The following THSD7B variants were observed in gnomAD, a reference collection of about 807,000 sequenced individuals.
THSD7B encodes thrombospondin type-1 domain-containing protein 7B.
THSD7B carries 138 observed loss-of-function variants against 213.6 expected under a neutral mutation model. That is an observed-to-expected ratio of 0.65 (90% CI 0.56 to 0.74). THSD7B has a LOEUF of 0.74. THSD7B is among the 30% of genes least tolerant of loss of function. THSD7B has a pLI of 0.00. For missense variants in THSD7B, 1,931 were observed against 1,991.5 expected, an observed-to-expected ratio of 0.97 and a Z score of 0.58; for synonymous variants, 742 against 687.0, an observed-to-expected ratio of 1.08 and a Z score of -1.25.
chr2:137,495,251 G>A (rs1679534298), intron 15 of THSD7B, among the ~76,000 whole-genome samples: 1 of 152,016 alleles, frequency 6.6e-6, no homozygotes, highest in Admixed American at 6.6e-5. Context: ...AAACTGGCAG[G>A]TTTAATATTT....
intron 13 of THSD7B, among the ~76,000 whole-genome samples, chr2:137,409,074 A>T (rs1073128): frequency 6.6e-6 from 1 of 152,042 alleles, no homozygotes; most frequent in Non-Finnish European, 1.5e-5. Flanking sequence ...CAAATCATAT[A>T]GGTCCTTGAT....
At chr2:137,338,930 A>T (rs1684699513) in intron 12 of THSD7B, among the ~76,000 whole-genome samples, 1 of 151,982 alleles carries the variant, frequency 6.6e-6, no homozygotes, top group Admixed American at 6.6e-5. Flanking sequence ...GGCATCTGAC[A>T]ATTGTCTTTT....
chr2:137,618,387 T>C lies in THSD7B; in HGVS notation c.3566-5T>C, dbSNP rs949143270. 6.2e-7 allele frequency: 1 copy of C among 1,613,304 alleles called. No individual in the cohort carries two copies. The highest frequency in any genetic ancestry group is 1.3e-5 in the African/African-American group (1 of 75,036). On this transcript the variant is annotated splice_region_variant and splice_polypyrimidine_tract_variant and intron_variant, in intron 18 of 27. Coordinates refer to ENST00000409968, the MANE Select transcript of THSD7B (RefSeq NM_001316349.2). Reference sequence around the variant, plus strand: ...AACTCAGTGTGGGTGATCCTATGCCTGTAGAGTGGAGCACATGCCAGCTGA... The same window carrying C: ...AACTCAGTGTGGGTGATCCTATGCCCGTAGAGTGGAGCACATGCCAGCTGA...
intron 14 of THSD7B, among the ~76,000 whole-genome samples, chr2:137,449,762 C>G (rs1326901648): frequency 1.3e-5 from 2 of 152,080 alleles, no homozygotes; most frequent in Non-Finnish European, 2.9e-5. Flanking sequence ...ACAAAAGGAC[C>G]CAGTCCTCTT....
At chr2:137,560,198 A>T (rs1681080522) in intron 15 of THSD7B, among the ~76,000 whole-genome samples, 1 of 152,204 alleles carries the variant, frequency 6.6e-6, no homozygotes, top group Non-Finnish European at 1.5e-5. Context: ...TGACCCAGCC[A>T]TCCCATTGCT....
intron 7 of THSD7B, among the ~76,000 whole-genome samples, chr2:137,222,357 C>A (rs887762641): frequency 3.9e-5 from 6 of 152,146 alleles, no homozygotes; most frequent in African/African-American, 1.4e-4. Context: ...ACTATTCTGT[C>A]CATTATAATG....
At chr2:137,294,921 G>T (rs573125364) in intron 12 of THSD7B, among the ~76,000 whole-genome samples, 1 of 152,152 alleles carries the variant, frequency 6.6e-6, no homozygotes, top group East Asian at 1.9e-4. Flanking sequence ...TGTATTCACA[G>T]AATTTTAACT....
At chr2:137,093,545 T>A (rs1238452649) in intron 3 of THSD7B, among the ~76,000 whole-genome samples, 1 of 152,210 alleles carries the variant, frequency 6.6e-6, no homozygotes, top group South Asian at 2.1e-4. Flanking sequence ...CCAAAAGGTA[T>A]GATTTCAAAT....
intron 1 of THSD7B, among the ~76,000 whole-genome samples, chr2:136,854,027 A>G (rs1048980522): frequency 6.6e-6 from 1 of 152,170 alleles, no homozygotes; most frequent in East Asian, 1.9e-4. Flanking sequence ...AGGATGCTCT[A>G]GGCTCATCTT....
At chr2:137,620,353 C>A (rs1682495666) in intron 19 of THSD7B, among the ~76,000 whole-genome samples, 1 of 152,152 alleles carries the variant, frequency 6.6e-6, no homozygotes, top group Admixed American at 6.5e-5. Flanking sequence ...TAATCAGACG[C>A]CTCTGCTTTC....
At chr2:137,281,813 T>G (rs1683023312) in intron 12 of THSD7B, among the ~76,000 whole-genome samples, 1 of 152,168 alleles carries the variant, frequency 6.6e-6, no homozygotes, top group South Asian at 2.1e-4. Flanking sequence ...TTGTTGGACA[T>G]TTGGGTTGGT....
At chr2:137,086,794 C>T (rs541461345) in intron 3 of THSD7B, among the ~76,000 whole-genome samples, 1 of 152,228 alleles carries the variant, frequency 6.6e-6, no homozygotes, top group Non-Finnish European at 1.5e-5. Flanking sequence ...AAAAATAAGC[C>T]TGATGATACC....
chr2:136,776,313 A>T (rs371909940), intron 1 of THSD7B, among the ~76,000 whole-genome samples: 1 of 152,182 alleles, frequency 6.6e-6, no homozygotes, highest in African/African-American at 2.4e-5. Flanking sequence ...CTTTAATAAC[A>T]TCTTATTTCA....
intron 15 of THSD7B, among the ~76,000 whole-genome samples, chr2:137,484,351 C>T (rs1688379268): frequency 1.4e-5 from 2 of 145,560 alleles, no homozygotes; most frequent in African/African-American, 2.6e-5. Flanking sequence ...GACATGAACT[C>T]ATCCTTTTTT....
intron 15 of THSD7B, among the ~76,000 whole-genome samples, chr2:137,472,818 T>C (rs908162470): frequency 4.6e-5 from 7 of 152,216 alleles, no homozygotes; most frequent in African/African-American, 1.7e-4. Flanking sequence ...TTAAAATACA[T>C]TGAGATCTTA....
chr2:137,470,956 A>G (rs990866862), intron 15 of THSD7B, among the ~76,000 whole-genome samples: 1 of 135,146 alleles, frequency 7.4e-6, no homozygotes, highest in Non-Finnish European at 1.5e-5. Context: ...GTCTCACTTC[A>G]TCACTCAGGC....
chr2:137,641,904 TAA>T (rs1682945775), intron 20 of THSD7B, among the ~76,000 whole-genome samples: 1 of 152,216 alleles, frequency 6.6e-6, no homozygotes, highest in Non-Finnish European at 1.5e-5. Context: ...TTGAATTAAT[TAA>T]AAGACACTAT....
intron 12 of THSD7B, among the ~76,000 whole-genome samples, chr2:137,365,220 C>A (rs1366328597): frequency 6.6e-6 from 1 of 152,174 alleles, no homozygotes. Flanking sequence ...CTCTTCCTTA[C>A]ACCTTATACA....
intron 7 of THSD7B, among the ~76,000 whole-genome samples, chr2:137,198,985 A>G (rs1179650658): frequency 6.6e-6 from 1 of 152,198 alleles, no homozygotes; most frequent in Non-Finnish European, 1.5e-5. Context: ...TTTATAAGAA[A>G]TTAACAATCA....
Sources: allele counts gnomAD v4.1 joint callset (sites outside exome capture counted in the v4.1 genomes callset), GRCh38; gene constraint gnomAD v4.1.1; transcripts MANE v1.5; gene names NCBI Gene and HGNC (gene_info 2026-07-23, HGNC 2026-07-21).